The following HRH2 variants were observed in gnomAD, a reference collection of about 807,000 sequenced individuals.
HRH2 encodes the protein histamine H2 receptor.
In HRH2, 4 loss-of-function variants were observed where a neutral mutation model predicts 20.1. That is an observed-to-expected ratio of 0.20 (90% confidence interval 0.10 to 0.45). HRH2 has a LOEUF of 0.45. Among genes scored for constraint, HRH2 ranks in the 20% least tolerant of loss-of-function variants. The probability of loss-of-function intolerance (pLI) is 0.99; values close to 1 mark genes in which losing one functional copy is unlikely to be tolerated. For missense variants in HRH2, 250 were observed against 461.6 expected, an observed-to-expected ratio of 0.54 and a Z score of 4.20; for synonymous variants, 197 against 200.7, an observed-to-expected ratio of 0.98 and a Z score of 0.16.
rs1366553380 is a variant in HRH2, at chr5:175,687,913, G to A, written c.1076+3604G>A. Among the ~76,000 whole-genome samples, 1 of 152,186 alleles carries A rather than the reference G, an allele frequency of 6.6e-6. No individual in the cohort carries two copies. The highest frequency in any genetic ancestry group is 1.5e-5 in the Non-Finnish European group (1 of 68,028). On this transcript the variant is annotated intron_variant, in intron 2 of 2. Coordinates refer to ENST00000636584, the MANE Select transcript of HRH2 (RefSeq NM_001367711.1). This position sits in a 1 kb window ranked among gnomAD's most constrained non-coding sequence, Gnocchi z 5.2. ...AGCCTAGTGGCCAAACACAACACAC[G>A]TTATTCCGTTGCAGTTCAGGAGGCC...
At chr5:175,679,441 G>C (rs1755882345) in intron 1 of HRH2, among the ~76,000 whole-genome samples, 1 of 152,194 alleles carries the variant, frequency 6.6e-6, no homozygotes, top group Non-Finnish European at 1.5e-5. Context: ...TTTGAAAAAA[G>C]AGTAAGAGCT....
rs1581476918 is a variant in HRH2 at position 175,710,096 on chromosome 5, CT to C, written c.*2126del. 6.6e-6 allele frequency: 1 copy of C among 152,396 alleles called. No individual in the cohort carries two copies. The highest frequency in any genetic ancestry group is 6.5e-5 in the Admixed American group (1 of 15,292). The allele number at this position is 152,396 out of a possible 1,614,324, so 9.4% of individuals were successfully genotyped here. ...GACCCTCCACACCAAACCAGGCCCCCTGCCACACCCCTCAGAGCTCTCCTTG... is the reference window on the plus strand; with the variant it reads ...GACCCTCCACACCAAACCAGGCCCCCGCCACACCCCTCAGAGCTCTCCTTG... On this transcript the variant is annotated 3_prime_UTR_variant, in exon 3 of 3. Transcript: ENST00000636584.
chr5:175,660,013 C>T (rs1191901190), intron 1 of HRH2, among the ~76,000 whole-genome samples: 1 of 152,116 alleles, frequency 6.6e-6, no homozygotes. Context: ...CAGCCTAGGC[C>T]GATTCTCCTG....
rs1366553380 is a variant in HRH2 at position 175,687,913 on chromosome 5, G to T, written c.1076+3604G>T. 6.6e-6 allele frequency among the ~76,000 whole-genome samples: 1 copy of T among 152,186 alleles called. No homozygotes were observed. The highest frequency in any genetic ancestry group is 1.5e-5 in the Non-Finnish European group (1 of 68,028). Reference sequence around the variant, plus strand: ...AGCCTAGTGGCCAAACACAACACACGTTATTCCGTTGCAGTTCAGGAGGCC... The same window carrying T: ...AGCCTAGTGGCCAAACACAACACACTTTATTCCGTTGCAGTTCAGGAGGCC... On this transcript the variant is annotated intron_variant, in intron 2 of 2. Coordinates refer to ENST00000636584, the MANE Select transcript of HRH2 (RefSeq NM_001367711.1). This position sits in a 1 kb window ranked among gnomAD's most constrained non-coding sequence, Gnocchi z 5.2.
At chr5:175,697,851 C>T (rs891537178) in intron 2 of HRH2, among the ~76,000 whole-genome samples, 6 of 152,332 alleles carry the variant, frequency 3.9e-5, no homozygotes, top group African/African-American at 1.2e-4. Flanking sequence ...GTTCTCAGAG[C>T]ATATCCCACA....
chr5:175,692,732 T>C (rs1052995679), intron 2 of HRH2, among the ~76,000 whole-genome samples: 1 of 152,330 alleles, frequency 6.6e-6, no homozygotes, highest in East Asian at 1.9e-4. Context: ...GTGCCCCCCA[T>C]CTGAAAACGG....
intron 1 of HRH2, among the ~76,000 whole-genome samples, chr5:175,662,860 C>T (rs551418194): frequency 1.3e-5 from 2 of 152,230 alleles, no homozygotes; most frequent in African/African-American, 4.8e-5. Context: ...GCTCAGCAAC[C>T]ACAGGTCTAC....
intron 1 of HRH2, among the ~76,000 whole-genome samples, chr5:175,676,968 TTC>T (rs1456203103): frequency 6.6e-6 from 1 of 152,168 alleles, no homozygotes; most frequent in Non-Finnish European, 1.5e-5. Flanking sequence ...ATACCACTGT[TTC>T]TGTTTCTTTT....
chr5:175,698,476 A>T (rs1432346265), intron 2 of HRH2, among the ~76,000 whole-genome samples: 9 of 152,180 alleles, frequency 5.9e-5, no homozygotes, highest in Non-Finnish European at 5.9e-5. Flanking sequence ...TTCTCGCTTT[A>T]TCGTGCCATT....
rs1031251896 is a variant in HRH2, at chr5:175,710,514, C to G, written c.*2543C>G. On this transcript the variant is annotated 3_prime_UTR_variant, in exon 3 of 3. Transcript: ENST00000636584. ...CACATGACCTCAAGTGAAAACAAAC[C>G]AGTCTGGCTGTTCACAGACTCAGCT... 3 of 152,216 alleles carry G rather than the reference C, an allele frequency of 2.0e-5. No homozygotes were observed. Among genetic ancestry groups the G allele is most frequent in the Non-Finnish European group, 4.4e-5 (3 of 68,050 alleles). 9.4% of individuals were successfully genotyped at this position (152,216 alleles called of 1,614,324 possible). A position where few individuals can be genotyped will look rare whatever the true frequency, so the allele number is the denominator to read the frequency against.
chr5:175,682,661 T>G (rs1249384057), intron 1 of HRH2, 48 bp from the exon 2 acceptor site: 1 of 153,890 alleles, frequency 6.5e-6, no homozygotes. Flanking sequence ...TGGGTCATGC[T>G]TTCTATCTGG....
At chr5:175,697,053 C>T (rs1756616499) in intron 2 of HRH2, among the ~76,000 whole-genome samples, 1 of 152,228 alleles carries the variant, frequency 6.6e-6, no homozygotes, top group East Asian at 1.9e-4. Flanking sequence ...GTCCCCTCTT[C>T]TGTTAAGTCC....
At position 175,693,765 on chromosome 5, in the gene HRH2, A is replaced by G. The variant is rs903955294; in HGVS notation, c.1076+9456A>G. On this transcript the variant is annotated intron_variant, in intron 2 of 2. Transcript: ENST00000636584. The surrounding 1 kb of genome is among the most constrained non-coding windows in gnomAD (Gnocchi z 4.4). ...CGGGTGCAGACATGGCCTTAATGTC[A>G]TGGTGGTAAGAGGATGCACATGCTC... Among the ~76,000 whole-genome samples the G allele has an allele frequency of 2.6e-5, 4 of 152,106 alleles. No individual in the cohort carries two copies. The highest frequency in any genetic ancestry group is 2.9e-5 in the Non-Finnish European group (2 of 68,020).
chr5:175,685,577 T>G, intron 2 of HRH2: 1 of 1,087,894 alleles, frequency 9.2e-7, no homozygotes, highest in Non-Finnish European at 1.4e-6. Flanking sequence ...GGTGATGAAG[T>G]TACAGAAAAT....
At chr5:175,685,680 T>G in intron 2 of HRH2, 1 of 620,198 alleles carries the variant, frequency 1.6e-6, no homozygotes, top group Non-Finnish European at 2.9e-6. Context: ...CCTCATCGCA[T>G]AGAGAGTTGG....
At chr5:175,684,913 AAG>A (rs1217784469) in intron 2 of HRH2, among the ~76,000 whole-genome samples, 3 of 152,130 alleles carry the variant, frequency 2.0e-5, no homozygotes, top group Non-Finnish European at 2.9e-5. Flanking sequence ...GGAAAGGTGA[AAG>A]AGTTAGAAGC....
At chr5:175,680,615 T>C (rs1011010497) in intron 1 of HRH2, among the ~76,000 whole-genome samples, 9 of 152,292 alleles carry the variant, frequency 5.9e-5, no homozygotes, top group African/African-American at 1.9e-4. Flanking sequence ...TGATTCTTCC[T>C]CACAGGCAAA....
intron 1 of HRH2, among the ~76,000 whole-genome samples, chr5:175,658,746 G>C (rs1404998890): frequency 2.6e-5 from 4 of 152,114 alleles, no homozygotes; most frequent in Non-Finnish European, 5.9e-5. Context: ...AACAGGCAGC[G>C]CTCAGCGGGT....
At chr5:175,697,184 C>A (rs940877271) in intron 2 of HRH2, among the ~76,000 whole-genome samples, 1 of 152,174 alleles carries the variant, frequency 6.6e-6, no homozygotes, top group African/African-American at 2.4e-5. Flanking sequence ...GGATGCCCGG[C>A]CGGGCGCGGT....
Sources: gnomAD v4.1 joint callset for allele counts (sites outside exome capture counted in the v4.1 genomes callset) on GRCh38, gnomAD v4.1.1 for gene constraint, Gnocchi (gnomAD v3.1) non-coding constraint, MANE v1.5 for transcripts, NCBI Gene and HGNC (gene_info 2026-07-23, HGNC 2026-07-21) for gene names.